ZNF516: variants seen among roughly 807,000 people sequenced by gnomAD.
The protein encoded by ZNF516 is zinc finger protein 516.
In ZNF516, 19 loss-of-function variants were observed where a neutral mutation model predicts 79.7. The ratio of observed to expected loss-of-function variants is 0.24; its 90% CI spans 0.17 to 0.35. The LOEUF (loss-of-function observed/expected upper bound fraction) is 0.35. ZNF516 is among the 10% of genes least tolerant of loss of function. The pLI is 1.00. For missense variants in ZNF516, 1,678 were observed against 1,679.5 expected (o/e 1.00, Z 0.02); for synonymous variants, 877 against 739.5 (o/e 1.19, Z -3.02).
In ZNF516 at chr18:76,463,806, G is replaced by A. The variant is rs193280956; in HGVS notation, c.-271-665C>T. ...CTAGACTTGAAAGTCATTCCAAAGC[G>A]ATTTGACAGCAAGCTTTAAAACAGA... is the stretch of plus-strand genomic sequence containing the variant. On this transcript the variant is annotated intron_variant, in intron 1 of 6. Coordinates refer to ENST00000443185, the MANE Select transcript of ZNF516 (RefSeq NM_014643.4). 7.9e-5 allele frequency among the ~76,000 whole-genome samples: 12 copies of A among 152,300 alleles called. No homozygotes were observed. In the East Asian group the frequency reaches 1.3e-3, roughly 17 times the overall value.
intron 3 of ZNF516, among the ~76,000 whole-genome samples, chr18:76,440,521 T>A (rs1288062541): frequency 1.3e-5 from 2 of 152,186 alleles, no homozygotes; most frequent in African/African-American, 4.8e-5. Flanking sequence ...AAAAGAAATA[T>A]CAAAATGTTT....
rs867635369 is a variant in ZNF516, at chr18:76,380,060, G to A, written c.2054C>T (p.Pro685Leu). The A allele has an allele frequency of 1.9e-6, 3 of 1,613,936 alleles. No homozygotes were observed. Among genetic ancestry groups the A allele is most frequent in the Non-Finnish European group, 2.5e-6 (3 of 1,179,886 alleles). ...GAACTCCACACCATCACCAGGGACGGGCACCTCCTGCTTGGGGTGAAATGC... is the reference window on the plus strand; with the variant it reads ...GAACTCCACACCATCACCAGGGACGAGCACCTCCTGCTTGGGGTGAAATGC... ...MPAFHPKQEVPVPGDGVEFPS... is the reference protein window; with the variant it reads ...MPAFHPKQEVLVPGDGVEFPS... The change falls in exon 4 of 7, where the codon CCC (proline) becomes CTC (leucine). Residue 685 changes from proline (P) to leucine (L), a missense_variant. Transcript: ENST00000443185.
chr18:76,491,003 C>G (rs930085114), intron 1 of ZNF516: 2 of 985,446 alleles, frequency 2.0e-6, no homozygotes, highest in Non-Finnish European at 2.4e-6. Context: ...GCGCCCCAAG[C>G]CCGGGTGCCC....
At chr18:76,422,973 T>C (rs962190108) in intron 3 of ZNF516, among the ~76,000 whole-genome samples, 1 of 152,198 alleles carries the variant, frequency 6.6e-6, no homozygotes, top group Non-Finnish European at 1.5e-5. Context: ...AATATCACAC[T>C]GAGCTCCGCA....
intron 3 of ZNF516, among the ~76,000 whole-genome samples, chr18:76,410,451 G>C (rs113790174): frequency 4.9e-4 from 74 of 152,280 alleles, no homozygotes; most frequent in African/African-American, 1.7e-3. Flanking sequence ...GTCACTTTCT[G>C]GAGCCACTGG....
chr18:76,484,828 T>G (rs1402220605), intron 1 of ZNF516, among the ~76,000 whole-genome samples: 1 of 152,246 alleles, frequency 6.6e-6, no homozygotes, highest in Admixed American at 6.5e-5. Flanking sequence ...GTTCAAATTC[T>G]TAGCAGCCCA....
At chr18:76,406,884 A>G (rs957507188) in intron 3 of ZNF516, among the ~76,000 whole-genome samples, 1 of 152,194 alleles carries the variant, frequency 6.6e-6, no homozygotes, top group African/African-American at 2.4e-5. Context: ...AGTGGGAGAC[A>G]GCAGCCGAGT....
chr18:76,480,138 T>G (rs369475982), intron 1 of ZNF516, among the ~76,000 whole-genome samples: 1 of 113,222 alleles, frequency 8.8e-6, no homozygotes, highest in African/African-American at 3.5e-5. Flanking sequence ...AAAATGCACA[T>G]GGGGCACTGA....
intron 1 of ZNF516, among the ~76,000 whole-genome samples, chr18:76,488,893 ACT>A (rs1159844583): frequency 6.6e-6 from 1 of 152,224 alleles, no homozygotes; most frequent in East Asian, 1.9e-4. Context: ...GCGAAATACC[ACT>A]TTTAATTAGG....
chr18:76,422,963 A>G (rs1041847239), intron 3 of ZNF516, among the ~76,000 whole-genome samples: 4 of 152,182 alleles, frequency 2.6e-5, no homozygotes, highest in Non-Finnish European at 5.9e-5. Flanking sequence ...ATGTACTCTC[A>G]ATATCACACT....
At chr18:76,401,227 T>C (rs1165079894) in intron 3 of ZNF516, among the ~76,000 whole-genome samples, 3 of 148,866 alleles carry the variant, frequency 2.0e-5, no homozygotes, top group Non-Finnish European at 4.4e-5. Flanking sequence ...GTTTTGTTCT[T>C]ATAGTTCACC....
intron 1 of ZNF516, among the ~76,000 whole-genome samples, chr18:76,473,637 T>TAA (rs754416587): frequency 6.6e-6 from 1 of 151,798 alleles, no homozygotes; most frequent in South Asian, 2.1e-4. Flanking sequence ...CTGTCTCTAC[T>TAA]AAAAATACAA....
At chr18:76,423,598 TTCAC>T (rs1568278844) in intron 3 of ZNF516, among the ~76,000 whole-genome samples, 20 of 38,668 alleles carry the variant, frequency 5.2e-4, no homozygotes, top group Non-Finnish European at 7.0e-4. Flanking sequence ...GTAAAAAGGC[TTCAC>T]CCCTGAAACA....
chr18:76,377,918 A>G (rs1437107988), intron 4 of ZNF516, among the ~76,000 whole-genome samples: 3 of 151,804 alleles, frequency 2.0e-5, no homozygotes, highest in Non-Finnish European at 2.9e-5. Context: ...GTCTCTCACT[A>G]TATTGACCAG....
chr18:76,373,757 A>G (rs62110865), intron 4 of ZNF516, among the ~76,000 whole-genome samples: 23,687 of 152,344 alleles, frequency 0.16, 2,137 homozygotes, highest in Non-Finnish European at 0.21. Context: ...ACAAGTGCAC[A>G]CACACATATG....
intron 3 of ZNF516, among the ~76,000 whole-genome samples, chr18:76,415,890 T>C (rs774715046): frequency 6.6e-6 from 1 of 152,214 alleles, no homozygotes; most frequent in Non-Finnish European, 1.5e-5. Flanking sequence ...TCTCTCTTAC[T>C]GTAAAAGCTA....
chr18:76,400,435 A>T (rs1026822468), intron 3 of ZNF516, among the ~76,000 whole-genome samples: 1 of 152,262 alleles, frequency 6.6e-6, no homozygotes, highest in Non-Finnish European at 1.5e-5. Flanking sequence ...AAACGCCCAG[A>T]AAGTTAAAAC....
intron 1 of ZNF516, among the ~76,000 whole-genome samples, chr18:76,470,925 AG>A (rs199904123): frequency 7.2e-5 from 11 of 152,098 alleles, no homozygotes; most frequent in Admixed American, 4.6e-4. Flanking sequence ...CCTGAGAAAA[AG>A]AAAAAAGAAA....
chr18:76,417,763 G>T (rs1029806562), intron 3 of ZNF516, among the ~76,000 whole-genome samples: 12 of 151,940 alleles, frequency 7.9e-5, no homozygotes, highest in African/African-American at 2.2e-4. Context: ...ATGGAATTAC[G>T]ACTACCATTG....
Sources: gnomAD v4.1 joint callset for allele counts (sites outside exome capture counted in the v4.1 genomes callset) on GRCh38, gnomAD v4.1.1 for gene constraint, MANE v1.5 for transcripts, NCBI Gene and HGNC (gene_info 2026-07-23, HGNC 2026-07-21) for gene names.